The following IL20RB variants were observed in gnomAD, a reference collection of about 807,000 sequenced individuals.
IL20RB encodes interleukin-20 receptor subunit beta.
IL20RB carries 21 observed loss-of-function variants against 33.3 expected under a neutral mutation model. That is an observed-to-expected ratio of 0.63 (90% CI 0.45 to 0.91). IL20RB has a LOEUF of 0.91. IL20RB is among the 40% of genes least tolerant of loss of function. The probability of loss-of-function intolerance (pLI) is 0.00; values close to 1 mark genes in which losing one functional copy is unlikely to be tolerated. For missense variants in IL20RB, 345 were observed against 384.8 expected, an observed-to-expected ratio of 0.90 and a Z score of 0.86; for synonymous variants, 147 against 146.8, an observed-to-expected ratio of 1.00 and a Z score of -0.01.
intron 1 of IL20RB, among the ~76,000 whole-genome samples, chr3:136,963,331 T>C (rs897661785): frequency 5.9e-5 from 9 of 152,236 alleles, no homozygotes; most frequent in Admixed American, 2.0e-4. Flanking sequence ...CTAGATCATA[T>C]AGTAACTACA....
chr3:136,978,268 C>A (rs1479384793), intron 1 of IL20RB, among the ~76,000 whole-genome samples: 1 of 151,368 alleles, frequency 6.6e-6, no homozygotes, highest in Non-Finnish European at 1.5e-5. Context: ...CAGGTTCAAG[C>A]AAGTCTCCTG....
At chr3:136,992,168 C>T in intron 5 of IL20RB, 80 bp downstream of exon 5, 1 of 1,478,014 alleles carries the variant, frequency 6.8e-7, no homozygotes, top group Non-Finnish European at 9.1e-7. Flanking sequence ...TGCTGGGTTC[C>T]TTTGGTTCTG....
chr3:136,988,407 C>T (rs941661620), intron 3 of IL20RB, among the ~76,000 whole-genome samples: 3 of 152,130 alleles, frequency 2.0e-5, no homozygotes. Context: ...GATGTTTGTA[C>T]TTATGCTGTA....
At chr3:136,976,006 G>A (rs1009857511) in intron 1 of IL20RB, among the ~76,000 whole-genome samples, 2 of 152,314 alleles carry the variant, frequency 1.3e-5, no homozygotes, top group Admixed American at 6.5e-5. Flanking sequence ...TCTGGGTTCC[G>A]AGAGTTGTCC....
At chr3:136,993,929 C>T (rs890820749) in intron 5 of IL20RB, among the ~76,000 whole-genome samples, 6 of 151,744 alleles carry the variant, frequency 4.0e-5, no homozygotes, top group African/African-American at 1.5e-4. Flanking sequence ...ATGAAAATCG[C>T]TTGAACCCAG....
In IL20RB at chr3:136,975,265, G is replaced by A. The variant is rs935316292; in HGVS notation, c.89-5201G>A. On this transcript the variant is annotated intron_variant, in intron 1 of 6. Coordinates refer to ENST00000329582, the MANE Select transcript of IL20RB (RefSeq NM_144717.4). ...TCCCATTTTTGAATTTACTTCCATA[G>A]GGGAGGATGTTTTCCTGAAGATGTA... Among the ~76,000 whole-genome samples the A allele has an allele frequency of 5.3e-5, 8 of 152,270 alleles. No homozygotes were observed. The South Asian group carries it at 1.7e-3, about 32-fold the overall frequency.
chr3:136,982,193 G>T lies in IL20RB; in HGVS notation c.249G>T (p.Trp83Cys). The T allele has an allele frequency of 6.3e-7, 1 of 1,598,904 alleles. No individual in the cohort carries two copies. Among genetic ancestry groups the T allele is most frequent in the Non-Finnish European group, 8.6e-7 (1 of 1,167,910 alleles). Residue 83 changes from tryptophan to cysteine, a missense_variant, in exon 3 of 7, where the codon TGG (tryptophan) becomes TGT (cysteine). Physicochemically the swap from Trp to Cys is radical, Grantham distance 215. Coordinates refer to ENST00000329582, the MANE Select transcript of IL20RB (RefSeq NM_144717.4). ...AGAGCCTGTACACGAGCCACATCTG[G>T]ATCCCCAGCAGCTGGTGCTCACTCA... ...EYESLYTSHIWIPSSWCSLTE... is the reference protein window; with the variant it reads ...EYESLYTSHICIPSSWCSLTE...
intron 3 of IL20RB, chr3:136,986,625 C>A: frequency 2.2e-6 from 1 of 453,642 alleles, no homozygotes. Context: ...CTTCAACAAG[C>A]AGGCATAAAC....
chr3:137,003,464 G>T (rs946852250), intron 6 of IL20RB, among the ~76,000 whole-genome samples: 12 of 152,158 alleles, frequency 7.9e-5, no homozygotes, highest in African/African-American at 2.7e-4. Context: ...GATTTGTAGT[G>T]CTCCTTGAAG....
intron 1 of IL20RB, among the ~76,000 whole-genome samples, chr3:136,963,117 G>C (rs981131332): frequency 6.6e-6 from 1 of 152,116 alleles, no homozygotes; most frequent in Non-Finnish European, 1.5e-5. Flanking sequence ...TAACATCAAG[G>C]TATGGGCAGG....
intron 6 of IL20RB, among the ~76,000 whole-genome samples, chr3:137,005,948 A>C (rs754392088): frequency 1.3e-5 from 2 of 152,208 alleles, no homozygotes; most frequent in African/African-American, 2.4e-5. Flanking sequence ...GAGCTGTTGT[A>C]AGGCAGGCCT....
At chr3:136,979,229 CA>C (rs1464291812) in intron 1 of IL20RB, among the ~76,000 whole-genome samples, 1 of 152,050 alleles carries the variant, frequency 6.6e-6, no homozygotes, top group African/African-American at 2.4e-5. Flanking sequence ...CAGAACAGAC[CA>C]TGGATGCTGA....
chr3:136,961,645 G>C (rs1941219347), intron 1 of IL20RB, among the ~76,000 whole-genome samples: 1 of 152,056 alleles, frequency 6.6e-6, no homozygotes, highest in African/African-American at 2.4e-5. Context: ...ATTGGAGCCT[G>C]GGATGGAAGA....
chr3:136,990,338 A>C (rs1034585058), intron 4 of IL20RB, among the ~76,000 whole-genome samples: 1 of 152,172 alleles, frequency 6.6e-6, no homozygotes, highest in Non-Finnish European at 1.5e-5. Context: ...TCACAGATCT[A>C]TAAACAGCTG....
intron 3 of IL20RB, among the ~76,000 whole-genome samples, chr3:136,987,863 G>T (rs1941946505): frequency 6.6e-6 from 1 of 152,190 alleles, no homozygotes; most frequent in African/African-American, 2.4e-5. Flanking sequence ...GGCCGGCAGG[G>T]CCGGCCGGCT....
At position 136,958,098 on chromosome 3, in the gene IL20RB, A is replaced by C. The variant is rs1383244125; in HGVS notation, c.-16A>C. 1 of 1,486,504 alleles carries C rather than the reference A, an allele frequency of 6.7e-7. No homozygotes were observed. Among genetic ancestry groups the C allele is most frequent in the Non-Finnish European group, 9.4e-7 (1 of 1,064,834 alleles). The allele number at this position is 1,486,504 out of a possible 1,614,324, so 92.1% of individuals were successfully genotyped here. A position where few individuals can be genotyped will look rare whatever the true frequency, so the allele number is the denominator to read the frequency against. The stretch of plus-strand genomic sequence containing the variant: ...TTGGAAAGAAACAATGTTCTAGGTC[A>C]AACTGAGTCTACCAAATGCAGACTT... On this transcript the variant is annotated 5_prime_UTR_variant, in exon 1 of 7. Transcript: ENST00000329582.
At chr3:136,970,894 C>T (rs377651769) in intron 1 of IL20RB, among the ~76,000 whole-genome samples, 10 of 151,978 alleles carry the variant, frequency 6.6e-5, no homozygotes, top group Non-Finnish European at 1.5e-4. Flanking sequence ...CCTCGTGATC[C>T]GCCCGGCTCG....
chr3:136,976,169 C>G (rs1941613789), intron 1 of IL20RB, among the ~76,000 whole-genome samples: 1 of 152,158 alleles, frequency 6.6e-6, no homozygotes, highest in Admixed American at 6.5e-5. Context: ...CCCAAGGTGC[C>G]CTTGTCACCC....
At chr3:136,996,350 C>G (rs988504017) in intron 6 of IL20RB, among the ~76,000 whole-genome samples, 2 of 152,106 alleles carry the variant, frequency 1.3e-5, no homozygotes, top group African/African-American at 4.8e-5. Context: ...AAAACAAAAA[C>G]AACAAAAACA....
Sources: gnomAD v4.1 joint callset for allele counts (sites outside exome capture counted in the v4.1 genomes callset) on GRCh38, gnomAD v4.1.1 for gene constraint, MANE v1.5 for transcripts, NCBI Gene and HGNC (gene_info 2026-07-23, HGNC 2026-07-21) for gene names.